ANKFN1: variants seen among roughly 807,000 people sequenced by gnomAD.
The protein encoded by ANKFN1 is ankyrin repeat and fibronectin type-III domain-containing protein 1.
A neutral mutation model predicts 108.7 loss-of-function variants in ANKFN1; 74 were observed. The observed-to-expected ratio is 0.68, with a 90% CI of 0.56 to 0.83. The LOEUF (loss-of-function observed/expected upper bound fraction) is 0.83. ANKFN1 is among the 40% of genes least tolerant of loss of function. The pLI is 0.00. For synonymous variants in ANKFN1, 547 were observed against 516.2 expected (o/e 1.06, Z -0.81); for missense variants, 1,505 against 1,382.3 (o/e 1.09, Z -1.41).
intron 3 of ANKFN1, among the ~76,000 whole-genome samples, chr17:56,244,917 C>T (rs1302689546): frequency 1.3e-5 from 2 of 152,018 alleles, no homozygotes; most frequent in Non-Finnish European, 2.9e-5. Flanking sequence ...AACACATTTC[C>T]TTAGTCTTTG....
chr17:56,232,165 C>A (rs1689671360), intron 3 of ANKFN1, among the ~76,000 whole-genome samples: 1 of 152,098 alleles, frequency 6.6e-6, no homozygotes, highest in South Asian at 2.1e-4. Context: ...GGCTAAACAT[C>A]CTCAATTTCT....
chr17:56,469,235 C>G (rs1174353786), intron 15 of ANKFN1, among the ~76,000 whole-genome samples: 5 of 151,714 alleles, frequency 3.3e-5, no homozygotes, highest in Admixed American at 6.6e-5. Context: ...CCCACTCTCC[C>G]TTCTCCTCCC....
At chr17:56,101,922 G>A (rs768832936) in intron 4 of ANKFN1, among the ~76,000 whole-genome samples, 3 of 152,170 alleles carry the variant, frequency 2.0e-5, no homozygotes, top group Non-Finnish European at 4.4e-5. Flanking sequence ...ACAAGCAACT[G>A]AGATGCTCCC....
rs183530787 is a variant in ANKFN1 at position 56,411,620 on chromosome 17, C to T, written c.911-28707C>T. ...TACCATTTAGTAAGACATTAGCTGT[C>T]GGCTTGTTGTGTATGGTCTTTATTG... On this transcript the variant is annotated intron_variant, in intron 8 of 20. Coordinates refer to ENST00000682825, the MANE Select transcript of ANKFN1 (RefSeq NM_001370326.1). 1.8e-4 allele frequency among the ~76,000 whole-genome samples: 27 copies of T among 152,214 alleles called. 1 individual carries two copies. In the East Asian group the frequency reaches 2.5e-3, roughly 14 times the overall value.
At chr17:56,166,735 A>C (rs528798646) in intron 1 of ANKFN1, among the ~76,000 whole-genome samples, 1 of 152,248 alleles carries the variant, frequency 6.6e-6, no homozygotes, top group Non-Finnish European at 1.5e-5. Flanking sequence ...GGACATGACC[A>C]TGCCCTTCAC....
At chr17:56,158,285 A>G (rs764966192) in intron 1 of ANKFN1, among the ~76,000 whole-genome samples, 3 of 152,306 alleles carry the variant, frequency 2.0e-5, no homozygotes, top group Non-Finnish European at 4.4e-5. Flanking sequence ...TTCAAGTGGC[A>G]TGACAATCCA....
chr17:56,212,074 A>G (rs1915057863), intron 1 of ANKFN1, among the ~76,000 whole-genome samples: 1 of 151,526 alleles, frequency 6.6e-6, no homozygotes, highest in Admixed American at 6.6e-5. Flanking sequence ...CCTCAGTACT[A>G]TGTTGAATAG....
intron 4 of ANKFN1, among the ~76,000 whole-genome samples, chr17:56,111,325 C>A (rs1905949235): frequency 6.6e-6 from 1 of 152,146 alleles, no homozygotes; most frequent in Admixed American, 6.5e-5. Context: ...CTCATTGCAT[C>A]TTTCCCAGGC....
At chr17:56,164,453 G>C (rs112591198) in intron 1 of ANKFN1, among the ~76,000 whole-genome samples, 66 of 152,200 alleles carry the variant, frequency 4.3e-4, no homozygotes, top group African/African-American at 1.5e-3. Context: ...GCTGCTTGAG[G>C]GTGGGGACTG....
intron 8 of ANKFN1, among the ~76,000 whole-genome samples, chr17:56,384,523 G>C (rs1368962007): frequency 1.3e-5 from 2 of 152,218 alleles, no homozygotes; most frequent in African/African-American, 2.4e-5. Flanking sequence ...ATTAGGAAAA[G>C]AGGAAATCAA....
intron 4 of ANKFN1, among the ~76,000 whole-genome samples, chr17:56,349,623 A>G (rs1367383230): frequency 2.6e-5 from 4 of 152,118 alleles, no homozygotes; most frequent in African/African-American, 4.8e-5. Flanking sequence ...CAACAAAAAT[A>G]TTAGCTACTA....
At chr17:56,262,889 T>C (rs1295251890) in intron 3 of ANKFN1, among the ~76,000 whole-genome samples, 2 of 152,114 alleles carry the variant, frequency 1.3e-5, no homozygotes, top group Non-Finnish European at 2.9e-5. Context: ...AGAAGACTTT[T>C]CCCCCCTTTG....
In ANKFN1 at chr17:56,447,955, C is replaced by A. The variant is rs532387228; in HGVS notation, c.1100-1124C>A. 5.9e-5 allele frequency among the ~76,000 whole-genome samples: 9 copies of A among 152,248 alleles called. No individual in the cohort carries two copies. In the South Asian group the frequency reaches 1.9e-3, roughly 32 times the overall value. On this transcript the variant is annotated intron_variant, in intron 10 of 20. Transcript: ENST00000682825. Reference sequence around the variant, plus strand: ...CTCCTAACTGTGCTATATGCCTGGGCCTTGGATGAACCACTATGGAATGCT... The same window carrying A: ...CTCCTAACTGTGCTATATGCCTGGGACTTGGATGAACCACTATGGAATGCT...
In ANKFN1 at chr17:56,170,774, T is replaced by TATA. The variant is rs1555604530; in HGVS notation, c.-71+17244_-71+17245insATA. Among the ~76,000 whole-genome samples, 253 of 68,050 alleles carry TATA rather than the reference T, an allele frequency of 3.7e-3. 2 individuals are homozygous for TATA. Among genetic ancestry groups the TATA allele is most frequent in the African/African-American group, 0.014 (177 of 12,302 alleles). The allele number at this position is 68,050 out of a possible 152,430, so 44.6% of individuals were successfully genotyped here. A position where few individuals can be genotyped will look rare whatever the true frequency, so the allele number is the denominator to read the frequency against. ...TGAGACTCTGTCAAGAAAAAATTTT[T>TATA]TATATATATATATATATATATATAT... On this transcript the variant is annotated intron_variant, in intron 1 of 20. Coordinates refer to ENST00000682825, the MANE Select transcript of ANKFN1 (RefSeq NM_001370326.1).
At chr17:56,117,316 G>C (rs75291053) in intron 4 of ANKFN1, among the ~76,000 whole-genome samples, 2 of 152,178 alleles carry the variant, frequency 1.3e-5, no homozygotes, top group African/African-American at 4.8e-5. Flanking sequence ...ACATCACAAA[G>C]GACACCTGAT....
chr17:56,159,518 T>C (rs1266540989), intron 1 of ANKFN1, among the ~76,000 whole-genome samples: 3 of 152,230 alleles, frequency 2.0e-5, no homozygotes, highest in Non-Finnish European at 4.4e-5. Context: ...CCAGCATATA[T>C]TTCCCCAGAT....
At chr17:56,283,551 C>T (rs1165147292) in intron 3 of ANKFN1, among the ~76,000 whole-genome samples, 1 of 142,142 alleles carries the variant, frequency 7.0e-6, no homozygotes, top group Non-Finnish European at 1.5e-5. Context: ...TGGAATACTA[C>T]TCAGCCATAA....
intron 4 of ANKFN1, among the ~76,000 whole-genome samples, chr17:56,077,190 ACTT>A (rs1420381018): frequency 6.6e-6 from 1 of 152,168 alleles, no homozygotes; most frequent in African/African-American, 2.4e-5. Flanking sequence ...GGAAGGGGAT[ACTT>A]CTTCATCTAG....
intron 4 of ANKFN1, among the ~76,000 whole-genome samples, chr17:56,348,576 C>T (rs1376297863): frequency 6.6e-6 from 1 of 152,080 alleles, no homozygotes; most frequent in East Asian, 1.9e-4. Flanking sequence ...ACAACAACCC[C>T]ATTAAAAAGT....
Sources: allele counts gnomAD v4.1 joint callset (sites outside exome capture counted in the v4.1 genomes callset), GRCh38; gene constraint gnomAD v4.1.1; transcripts MANE v1.5; gene names NCBI Gene and HGNC (gene_info 2026-07-23, HGNC 2026-07-21).